The following DGKG variants were observed in gnomAD, a reference collection of about 807,000 sequenced individuals.
DGKG encodes the protein DAG kinase gamma.
In DGKG, 78 loss-of-function variants were observed where a neutral mutation model predicts 105.3. The observed-to-expected ratio is 0.74, with a 90% CI of 0.62 to 0.89. The LOEUF is 0.89. Ranked by LOEUF, DGKG falls within the 40% of genes least tolerant of loss-of-function variation. The pLI is 0.00. For missense variants in DGKG, 958 were observed against 1,020.1 expected (o/e 0.94, Z 0.83); for synonymous variants, 346 against 367.1 (o/e 0.94, Z 0.66).
intron 20 of DGKG, among the ~76,000 whole-genome samples, chr3:186,220,028 C>T (rs1470291338): frequency 6.6e-6 from 1 of 152,184 alleles, no homozygotes; most frequent in Non-Finnish European, 1.5e-5. Context: ...AGTATTTGTG[C>T]ATTTAATCAT....
chr3:186,225,897 T>C (rs1306116728), intron 20 of DGKG, among the ~76,000 whole-genome samples: 2 of 152,212 alleles, frequency 1.3e-5, no homozygotes, highest in Non-Finnish European at 2.9e-5. Flanking sequence ...TCCTAATACA[T>C]GTCTGATTTC....
chr3:186,346,307 C>T (rs1205593765), intron 1 of DGKG, among the ~76,000 whole-genome samples: 1 of 152,160 alleles, frequency 6.6e-6, no homozygotes, highest in Non-Finnish European at 1.5e-5. Flanking sequence ...TCATTTTCAT[C>T]TCAGCTTTAT....
At chr3:186,346,281 C>G (rs1726327582) in intron 1 of DGKG, among the ~76,000 whole-genome samples, 1 of 152,184 alleles carries the variant, frequency 6.6e-6, no homozygotes, top group South Asian at 2.1e-4. Flanking sequence ...TCATTCACAT[C>G]TTTGAATACC....
At chr3:186,315,429 C>G (rs950717555) in intron 2 of DGKG, among the ~76,000 whole-genome samples, 2 of 152,172 alleles carry the variant, frequency 1.3e-5, no homozygotes, top group African/African-American at 4.8e-5. Flanking sequence ...CTTCATTTCT[C>G]CATAATGTGG....
chr3:186,337,726 A>G (rs1725896844), intron 1 of DGKG, among the ~76,000 whole-genome samples: 1 of 152,216 alleles, frequency 6.6e-6, no homozygotes, highest in South Asian at 2.1e-4. Flanking sequence ...AGAAAAACCA[A>G]GAGATCACAT....
At chr3:186,319,583 T>C (rs1472016792) in intron 2 of DGKG, among the ~76,000 whole-genome samples, 1 of 152,150 alleles carries the variant, frequency 6.6e-6, no homozygotes, top group Non-Finnish European at 1.5e-5. Context: ...AGCTGAGAGC[T>C]CTACAAGATG....
chr3:186,260,534 G>A (rs1721717570), intron 15 of DGKG, 21 bp from the exon 16 acceptor site: 6 of 1,566,452 alleles, frequency 3.8e-6, no homozygotes, highest in Non-Finnish European at 5.3e-6. Flanking sequence ...AAAAAGAAAA[G>A]GAGGGAGAGA....
At chr3:186,191,647 T>C (rs1433517141) in intron 21 of DGKG, among the ~76,000 whole-genome samples, 2 of 152,260 alleles carry the variant, frequency 1.3e-5, no homozygotes, top group Non-Finnish European at 1.5e-5. Context: ...TGTTGAGCTA[T>C]GCTTTCTATG....
At chr3:186,272,096 A>G (rs1017464849) in intron 11 of DGKG, among the ~76,000 whole-genome samples, 159 bp downstream of exon 11, 1 of 152,160 alleles carries the variant, frequency 6.6e-6, no homozygotes, top group African/African-American at 2.4e-5. Context: ...AAGGTGCTGA[A>G]TGGATGGATG....
rs58937810 is a variant in DGKG at position 186,302,460 on chromosome 3, CTATATATATATATATATATA to C, written c.145-4251_145-4232del. 4.1e-4 allele frequency among the ~76,000 whole-genome samples: 20 copies of C among 48,812 alleles called. No individual in the cohort carries two copies. The East Asian group carries it at 5.2e-3, about 13-fold the overall frequency. The allele number at this position is 48,812 out of a possible 152,430, so 32.0% of individuals were successfully genotyped here. A position where few individuals can be genotyped will look rare whatever the true frequency, so the allele number is the denominator to read the frequency against. ...AGATTGGAAAAAGGGGGGAAATGTG[CTATATATATATATATATATA>C]TATATATATATATATATATATATAT... On this transcript the variant is annotated intron_variant, in intron 3 of 24. Transcript: ENST00000265022.
At chr3:186,220,647 T>C (rs1241968242) in intron 20 of DGKG, among the ~76,000 whole-genome samples, 1 of 152,180 alleles carries the variant, frequency 6.6e-6, no homozygotes, top group East Asian at 1.9e-4. Flanking sequence ...GGATCCCAGC[T>C]TGAGGTTGGC....
rs1715592538 is a variant in DGKG, at chr3:186,148,332, A to G, written c.*1758T>C. ...TGCAGCCAAGGTTGTTTCCAAACTA[A>G]GAGACTATGATGACCATGATGAGGT... On this transcript the variant is annotated 3_prime_UTR_variant, in exon 25 of 25. Transcript: ENST00000265022. 2.0e-6 allele frequency: 2 copies of G among 985,324 alleles called. No individual in the cohort carries two copies. The highest frequency in any genetic ancestry group is 9.4e-5 in the South Asian group (2 of 21,290). 61.0% of individuals were successfully genotyped at this position (985,324 alleles called of 1,614,324 possible). A position where few individuals can be genotyped will look rare whatever the true frequency, so the allele number is the denominator to read the frequency against.
intron 19 of DGKG, among the ~76,000 whole-genome samples, chr3:186,243,893 G>GTTTTTTTTTTTTTTTTTT (rs1325137759): frequency 1.2e-5 from 1 of 80,868 alleles, no homozygotes; most frequent in African/African-American, 4.2e-5. Context: ...GAAAATTTCT[G>GTTTTTTTTTTTTTTTTTT]TGTTTTTTTT....
At chr3:186,201,100 C>G (rs978853946) in intron 21 of DGKG, among the ~76,000 whole-genome samples, 3 of 152,010 alleles carry the variant, frequency 2.0e-5, no homozygotes, top group African/African-American at 7.2e-5. Flanking sequence ...GGACAGAAGG[C>G]AAAGCTGTTT....
At chr3:186,317,847 G>A (rs1334376519) in intron 2 of DGKG, among the ~76,000 whole-genome samples, 1 of 152,124 alleles carries the variant, frequency 6.6e-6, no homozygotes, top group African/African-American at 2.4e-5. Flanking sequence ...ATTTATTGCT[G>A]GATCCCTGGA....
At chr3:186,322,089 G>A (rs983517444) in intron 1 of DGKG, among the ~76,000 whole-genome samples, 3 of 151,954 alleles carry the variant, frequency 2.0e-5, no homozygotes, top group African/African-American at 7.3e-5. Context: ...TATGTTTCTG[G>A]GTGTTTCTTG....
At chr3:186,299,489 G>T (rs559416333) in intron 3 of DGKG, among the ~76,000 whole-genome samples, 1 of 152,316 alleles carries the variant, frequency 6.6e-6, no homozygotes, top group Admixed American at 6.5e-5. Context: ...CCTTTGCAGA[G>T]TGAAGGAAGT....
At chr3:186,230,564 C>T (rs988362843) in intron 20 of DGKG, among the ~76,000 whole-genome samples, 5 of 151,852 alleles carry the variant, frequency 3.3e-5, no homozygotes, top group African/African-American at 9.7e-5. Context: ...TGGGATGTAA[C>T]GTGGGAGGGG....
intron 17 of DGKG, among the ~76,000 whole-genome samples, chr3:186,254,315 A>G (rs897010758): frequency 6.6e-6 from 1 of 152,170 alleles, no homozygotes; most frequent in African/African-American, 2.4e-5. Context: ...TGTCTGACCT[A>G]TATCAGAAAT....
Sources: allele counts gnomAD v4.1 joint callset (sites outside exome capture counted in the v4.1 genomes callset), GRCh38; gene constraint gnomAD v4.1.1; transcripts MANE v1.5; gene names NCBI Gene and HGNC (gene_info 2026-07-23, HGNC 2026-07-21).